The following ADAMTS9 variants were observed in gnomAD, a reference collection of about 807,000 sequenced individuals.
ADAMTS9 encodes A disintegrin and metalloproteinase with thrombospondin motifs 9.
In ADAMTS9, 107 loss-of-function variants were observed where a neutral mutation model predicts 257.1. The observed-to-expected ratio is 0.42, with a 90% CI of 0.36 to 0.49. The LOEUF is 0.49. Among genes scored for constraint, ADAMTS9 ranks in the 20% least tolerant of loss-of-function variants. The pLI, the probability that ADAMTS9 is intolerant of heterozygous loss-of-function variation, is 0.03. For synonymous variants in ADAMTS9, 982 were observed against 880.9 expected (o/e 1.11, Z -2.03); for missense variants, 2,353 against 2,469.1 (o/e 0.95, Z 1.00).
At chr3:64,553,850 C>T (rs2083299046) in intron 30 of ADAMTS9, among the ~76,000 whole-genome samples, 1 of 152,072 alleles carries the variant, frequency 6.6e-6, no homozygotes, top group African/African-American at 2.4e-5. Flanking sequence ...TTCCCTAGCT[C>T]ATCCCTAGCT....
Position 64,651,153 on chromosome 3 carries a change from G to T in ADAMTS9, c.1327C>A (p.Pro443Thr). ...TTACATTTGTTGTTGTCATCATGAGGCATGTTAAACCTAAAGCCAATGAGA... is the reference window on the plus strand; with the variant it reads ...TTACATTTGTTGTTGTCATCATGAGTCATGTTAAACCTAAAGCCAATGAGA... ...AHELGHVFNM[P>T]HDDNNKCKEE... The change falls in exon 9 of 40, where the codon CCT becomes ACT. Residue 443 changes from proline to threonine, a missense_variant. Transcript: ENST00000498707. 2 of 1,582,128 alleles carry T rather than the reference G, an allele frequency of 1.3e-6. No individual in the cohort carries two copies. Among genetic ancestry groups the T allele is most frequent in the East Asian group, 2.3e-5 (1 of 42,674 alleles).
intron 3 of ADAMTS9, among the ~76,000 whole-genome samples, chr3:64,668,723 G>T (rs572839487): frequency 6.6e-6 from 1 of 152,190 alleles, no homozygotes; most frequent in Non-Finnish European, 1.5e-5. Flanking sequence ...CTGCTGGAAC[G>T]AAGTGGCTCC....
At chr3:64,681,738 T>G (rs992800646) in intron 2 of ADAMTS9, among the ~76,000 whole-genome samples, 4 of 151,902 alleles carry the variant, frequency 2.6e-5, no homozygotes, top group Admixed American at 1.3e-4. Context: ...GAGATGGGGG[T>G]CTCAATATGT....
At chr3:64,556,185 C>A (rs920393318) in intron 30 of ADAMTS9, among the ~76,000 whole-genome samples, 1 of 152,144 alleles carries the variant, frequency 6.6e-6, no homozygotes, top group Non-Finnish European at 1.5e-5. Context: ...GTCCCCATAC[C>A]GCACCAAACA....
intron 38 of ADAMTS9, among the ~76,000 whole-genome samples, chr3:64,530,041 C>G (rs116605365): frequency 0.047 from 5,792 of 122,082 alleles, 653 homozygotes; most frequent in Admixed American, 0.32. Flanking sequence ...CCAAGCTGGT[C>G]TTGAATTCCT....
At chr3:64,555,379 T>G (rs2083320315) in intron 30 of ADAMTS9, among the ~76,000 whole-genome samples, 1 of 139,246 alleles carries the variant, frequency 7.2e-6, no homozygotes. Flanking sequence ...TTAAAGTCAT[T>G]CATTCATTCA....
chr3:64,680,506 A>G (rs2107046416), intron 3 of ADAMTS9, among the ~76,000 whole-genome samples: 1 of 152,332 alleles, frequency 6.6e-6, no homozygotes, highest in Admixed American at 6.5e-5. Context: ...ATGAAGAAAC[A>G]CAGACAGAAG....
intron 12 of ADAMTS9, 23 bp from the exon 13 acceptor site, chr3:64,633,902 A>G: frequency 6.3e-7 from 1 of 1,591,260 alleles, no homozygotes; most frequent in South Asian, 1.1e-5. Context: ...AAATGTGAAG[A>G]GCACACACAC....
At chr3:64,517,288 C>A (rs890899811) in intron 39 of ADAMTS9, among the ~76,000 whole-genome samples, 167 bp from the exon 40 acceptor site, 1 of 152,022 alleles carries the variant, frequency 6.6e-6, no homozygotes, top group Non-Finnish European at 1.5e-5. Context: ...GTCACCGAGG[C>A]TGGAGTGCAA....
intron 6 of ADAMTS9, among the ~76,000 whole-genome samples, chr3:64,655,072 G>A (rs989015983): frequency 1.3e-5 from 2 of 152,198 alleles, no homozygotes; most frequent in Non-Finnish European, 2.9e-5. Flanking sequence ...TTTTGAGATA[G>A]TAGCTACCAT....
intron 16 of ADAMTS9, among the ~76,000 whole-genome samples, chr3:64,627,092 TA>T (rs1193658751): frequency 6.6e-6 from 1 of 152,158 alleles, no homozygotes; most frequent in East Asian, 1.9e-4. Flanking sequence ...GATGTCTTGA[TA>T]AAAAGGAGGA....
intron 28 of ADAMTS9, among the ~76,000 whole-genome samples, chr3:64,573,659 TTTTAAC>T (rs1475946371): frequency 6.6e-6 from 1 of 152,238 alleles, no homozygotes; most frequent in Non-Finnish European, 1.5e-5. Flanking sequence ...TCCACTCTCC[TTTTAAC>T]TTTAACAAAA....
intron 28 of ADAMTS9, among the ~76,000 whole-genome samples, chr3:64,577,283 C>A (rs755410813): frequency 1.3e-5 from 2 of 152,100 alleles, no homozygotes; most frequent in Non-Finnish European, 2.9e-5. Flanking sequence ...GGTAACAGGG[C>A]TCTATTAGCC....
At chr3:64,658,460 A>G in intron 4 of ADAMTS9, 42 bp downstream of exon 4, 1 of 1,575,330 alleles carries the variant, frequency 6.3e-7, no homozygotes, top group Non-Finnish European at 8.6e-7. Context: ...CCAATGGCAC[A>G]TTTAGAGACC....
At chr3:64,659,798 C>T (rs979536868) in intron 3 of ADAMTS9, among the ~76,000 whole-genome samples, 3 of 152,084 alleles carry the variant, frequency 2.0e-5, no homozygotes, top group African/African-American at 7.2e-5. Flanking sequence ...CCAGCTCATG[C>T]CTAGGCCTCT....
intron 26 of ADAMTS9, among the ~76,000 whole-genome samples, chr3:64,601,599 A>C (rs576450997): frequency 9.9e-5 from 15 of 152,210 alleles, no homozygotes; most frequent in Non-Finnish European, 2.1e-4. Flanking sequence ...CTTTCAGAAA[A>C]GTTTCTCTGT....
intron 14 of ADAMTS9, among the ~76,000 whole-genome samples, chr3:64,633,119 A>G (rs1169348789): frequency 6.6e-6 from 1 of 152,174 alleles, no homozygotes; most frequent in Non-Finnish European, 1.5e-5. Context: ...TTCAATCTAA[A>G]AAATTTGCTG....
At chr3:64,615,723 A>G (rs180823698) in intron 20 of ADAMTS9, among the ~76,000 whole-genome samples, 1 of 152,320 alleles carries the variant, frequency 6.6e-6, no homozygotes, top group Admixed American at 6.5e-5. Context: ...AGAGTATGCA[A>G]AAGAAATCAG....
At chr3:64,631,643 TA>T in intron 15 of ADAMTS9, 93 bp from the exon 16 acceptor site, 1 of 1,252,170 alleles carries the variant, frequency 8.0e-7, no homozygotes, top group Non-Finnish European at 1.2e-6. Flanking sequence ...GAATAGAATA[TA>T]ATTCTCATAT....
Sources: allele counts gnomAD v4.1 joint callset (sites outside exome capture counted in the v4.1 genomes callset), GRCh38; gene constraint gnomAD v4.1.1; transcripts MANE v1.5; gene names NCBI Gene and HGNC (gene_info 2026-07-23, HGNC 2026-07-21).